COL7A1: variants seen among roughly 807,000 people sequenced by gnomAD.
COL7A1 encodes collagen type VII alpha 1 chain, also known as collagen alpha-1(VII) chain.
In COL7A1, 296 loss-of-function variants were observed where a neutral mutation model predicts 456.2. The observed-to-expected ratio is 0.65, with a 90% CI of 0.59 to 0.71. The LOEUF (loss-of-function observed/expected upper bound fraction) is 0.71. Ranked by LOEUF, COL7A1 falls within the 30% of genes least tolerant of loss-of-function variation. The pLI is 0.00. For synonymous variants in COL7A1, 1,464 were observed against 1,525.9 expected (o/e 0.96, Z 0.95); for missense variants, 3,441 against 4,017.2 (o/e 0.86, Z 3.88).
chr3:48,591,792 G>A lies in COL7A1; in HGVS notation c.1388C>T (p.Pro463Leu), dbSNP rs761348026. ...CAACTGGTAGCGGGTCACATCAGAG[G>A]GCAGTACCACCTTCTGCGGTGGCTC... is the stretch of plus-strand genomic sequence containing the variant. ...GLEPPQKVVL[P>L]SDVTRYQLDG... The change falls in exon 12 of 119, where the codon CCC (proline) becomes CTC (leucine). Residue 463 changes from proline to leucine, a missense_variant. Coordinates refer to ENST00000681320, the MANE Select transcript of COL7A1 (RefSeq NM_000094.4). The surrounding 1 kb of genome is among the most constrained non-coding windows in gnomAD (Gnocchi z 7.0). 2.5e-6 allele frequency: 4 copies of A among 1,614,162 alleles called. No homozygotes were observed. In the Admixed American group the frequency reaches 5.0e-5, roughly 20 times the overall value.
Position 48,589,655 on chromosome 3 carries a change from G to T in COL7A1, c.2114C>A (p.Thr705Asn). Reference sequence around the variant, plus strand: ...TGTGGCGCCAGGAACCCTGGTCCAGGTAATGGTGACAGATGAGCTGCTGGC... The same window carrying T: ...TGTGGCGCCAGGAACCCTGGTCCAGTTAATGGTGACAGATGAGCTGCTGGC... The part of the protein sequence containing the change: ...TQASSSSVTI[T>N]WTRVPGATGY... The change falls in exon 17 of 119, where the codon ACC becomes AAC. Residue 705 changes from threonine to asparagine, a missense_variant. Thr to Asn is a moderately conservative substitution (Grantham distance 65). Around this residue, in one of 3 missense-constraint regions of COL7A1, gnomAD observed 913 missense variants for 1,088.2 expected, o/e 0.84. Transcript: ENST00000681320. The T allele has an allele frequency of 1.2e-6, 2 of 1,614,060 alleles. No individual in the cohort carries two copies. The highest frequency in any genetic ancestry group is 1.7e-6 in the Non-Finnish European group (2 of 1,180,024).
rs2107766618 is a variant in COL7A1, at chr3:48,588,666, G to A, written c.2563C>T (p.Pro855Ser). The change falls in exon 20 of 119, where the codon CCT becomes TCT. Residue 855 changes from proline (P) to serine (S), a missense_variant. This residue lies in a region of COL7A1 where 444 missense variants were observed against 427.6 expected (regional missense o/e 1.04). Coordinates refer to ENST00000681320, the MANE Select transcript of COL7A1 (RefSeq NM_000094.4). This position sits in a 1 kb window ranked among gnomAD's most constrained non-coding sequence, Gnocchi z 4.6. ...CGCGTAGTGACAACAATGGAGACAG[G>A]TGTGCCCTCGCGGTCCCCGACAAGT... The part of the protein sequence containing the change: ...TALVGDREGT[P>S]VSIVVTTPPE... The A allele has an allele frequency of 1.2e-6, 2 of 1,613,864 alleles. No individual in the cohort carries two copies. The highest frequency in any genetic ancestry group is 1.6e-4 in the Middle Eastern group (1 of 6,062).
intron 71 of COL7A1, 148 bp downstream of exon 71, chr3:48,576,101 A>G: frequency 2.1e-6 from 3 of 1,406,604 alleles, no homozygotes; most frequent in Non-Finnish European, 3.0e-6. Context: ...AGTTCCCTTG[A>G]GTGTGGGCTA....
At position 48,579,190 on chromosome 3, in the gene COL7A1, G is replaced by C; in HGVS notation, c.5388+7C>G. On this transcript the variant is annotated splice_region_variant and intron_variant, in intron 62 of 118. Transcript: ENST00000681320. This position sits in a 1 kb window ranked among gnomAD's most constrained non-coding sequence, Gnocchi z 4.4. ...GGGGACAACCAGGCAGGACTACCAA[G>C]ACTCACATTCGGCCCAGAGGGCCCA... is the stretch of plus-strand genomic sequence containing the variant. 6.2e-7 allele frequency: 1 copy of C among 1,613,088 alleles called. No homozygotes were observed. The highest frequency in any genetic ancestry group is 8.5e-7 in the Non-Finnish European group (1 of 1,179,978).
In COL7A1 at chr3:48,577,021, G is replaced by A. The variant is rs1360476706; in HGVS notation, c.5539C>T (p.Pro1847Ser). The A allele has an allele frequency of 6.2e-7, 1 of 1,613,944 alleles. No homozygotes were observed. The highest frequency in any genetic ancestry group is 1.3e-5 in the African/African-American group (1 of 75,056). ...KPGLNGKNGE[P>S]GDPGEDGRKG... ...CTCCCGTCTTCTCCAGGGTCCCCAG[G>A]TTCTCCCTGTGGGCAGAGGACTCAC... The change falls in exon 66 of 119, where the codon CCT becomes TCT. Residue 1847 changes from proline (P) to serine (S), a missense_variant. Around this residue, in one of 3 missense-constraint regions of COL7A1, gnomAD observed 2,084 missense variants for 2,501.3 expected, o/e 0.83. Transcript: ENST00000681320.
rs751525439 is a variant in COL7A1 at position 48,570,626 on chromosome 3, C to T, written c.7344+13G>A. ...AAATCAAATACGTGGGGCTTTAGGG[C>T]ACCTCTACTCACCACTGACCCCGGT... On this transcript the variant is annotated intron_variant, in intron 96 of 118. Coordinates refer to ENST00000681320, the MANE Select transcript of COL7A1 (RefSeq NM_000094.4). The surrounding 1 kb of genome is among the most constrained non-coding windows in gnomAD (Gnocchi z 5.5). 6.2e-6 allele frequency: 10 copies of T among 1,607,010 alleles called. No homozygotes were observed. The highest frequency in any genetic ancestry group is 4.5e-5 in the East Asian group (2 of 44,536).
rs368816697 is a variant in COL7A1 at position 48,569,568 on chromosome 3, C to G, written c.7614+24G>C. 2 of 1,613,526 alleles carry G rather than the reference C, an allele frequency of 1.2e-6. No individual in the cohort carries two copies. The highest frequency in any genetic ancestry group is 1.7e-6 in the Non-Finnish European group (2 of 1,179,804). On this transcript the variant is annotated intron_variant, in intron 102 of 118. Coordinates refer to ENST00000681320, the MANE Select transcript of COL7A1 (RefSeq NM_000094.4). This position sits in a 1 kb window ranked among gnomAD's most constrained non-coding sequence, Gnocchi z 4.9. ...GTCCCTCTCGCACCCAGGGGAGACC[C>G]AGTCCACACGTGGGCCCACTCACCA...
chr3:48,565,622 A>G lies in COL7A1; in HGVS notation c.8440+14T>C, dbSNP rs755912924. 1 of 1,614,110 alleles carries G rather than the reference A, an allele frequency of 6.2e-7. No homozygotes were observed. The highest frequency in any genetic ancestry group is 1.1e-5 in the South Asian group (1 of 91,068). ...CTGGGGTGAAGAAAGTTCTGGGAGT[A>G]GAAAACTACTCACGTGATCCAGATG... is the stretch of plus-strand genomic sequence containing the variant. On this transcript the variant is annotated intron_variant, in intron 115 of 118. Coordinates refer to ENST00000681320, the MANE Select transcript of COL7A1 (RefSeq NM_000094.4). This position sits in a 1 kb window ranked among gnomAD's most constrained non-coding sequence, Gnocchi z 4.5.
Position 48,594,714 on chromosome 3 carries a change from G to A in COL7A1, c.86-166C>T, listed in dbSNP as rs1257333654. On this transcript the variant is annotated intron_variant, in intron 2 of 118. Coordinates refer to ENST00000681320, the MANE Select transcript of COL7A1 (RefSeq NM_000094.4). The surrounding 1 kb of genome is among the most constrained non-coding windows in gnomAD (Gnocchi z 5.5). ...GAGGGCCTTGGAGGGAGTTGAGCTCGGTGGGTCCCAGAGCAGACTCCCGCG... is the reference window on the plus strand; with the variant it reads ...GAGGGCCTTGGAGGGAGTTGAGCTCAGTGGGTCCCAGAGCAGACTCCCGCG... Among the ~76,000 whole-genome samples the A allele has an allele frequency of 6.6e-6, 1 of 152,178 alleles. No individual in the cohort carries two copies. The highest frequency in any genetic ancestry group is 1.5e-5 in the Non-Finnish European group (1 of 68,028).
chr3:48,566,240 G>A lies in COL7A1; in HGVS notation c.8407+27C>T. On this transcript the variant is annotated intron_variant, in intron 114 of 118. Coordinates refer to ENST00000681320, the MANE Select transcript of COL7A1 (RefSeq NM_000094.4). The surrounding 1 kb of genome is among the most constrained non-coding windows in gnomAD (Gnocchi z 5.9). The stretch of plus-strand genomic sequence containing the variant: ...TTGCCTAGGGTGCTGGGGTGGAGTG[G>A]GAGACTGCGGGCTGGGCACCACTCA... The A allele has an allele frequency of 6.3e-7, 1 of 1,589,092 alleles. No homozygotes were observed. Among genetic ancestry groups the A allele is most frequent in the Non-Finnish European group, 8.6e-7 (1 of 1,168,920 alleles).
rs1290336722 is a variant in COL7A1, at chr3:48,570,745, G to C, written c.7273-35C>G. On this transcript the variant is annotated intron_variant, in intron 95 of 118. Transcript: ENST00000681320. The surrounding 1 kb of genome is among the most constrained non-coding windows in gnomAD (Gnocchi z 5.5). ...AAATGGGGCAAGAGAGGCAGAGAGT[G>C]ACTTGGGAACCCTCCTACCCTCTGC... 1 of 1,559,920 alleles carries C rather than the reference G, an allele frequency of 6.4e-7. No homozygotes were observed. The highest frequency in any genetic ancestry group is 1.4e-5 in the African/African-American group (1 of 73,548).
At position 48,585,489 on chromosome 3, in the gene COL7A1, C is replaced by G. The variant is rs904911977; in HGVS notation, c.3894+68G>C. 5 of 1,541,186 alleles carry G rather than the reference C, an allele frequency of 3.2e-6. No individual in the cohort carries two copies. The highest frequency in any genetic ancestry group is 3.6e-6 in the Non-Finnish European group (4 of 1,115,970). On this transcript the variant is annotated intron_variant, in intron 32 of 118. Coordinates refer to ENST00000681320, the MANE Select transcript of COL7A1 (RefSeq NM_000094.4). The surrounding 1 kb of genome is among the most constrained non-coding windows in gnomAD (Gnocchi z 4.5). ...GATTCTAACTCTGCTTCTTCCTTCT[C>G]TCTTGTAAAAACCCCGAGACAGCTT...
chr3:48,589,316 G>T lies in COL7A1; in HGVS notation c.2314+11C>A, dbSNP rs1402051384. ...TGCGGTGTGGCTAGTAGCTGGCCAG[G>T]GTCCACTCACCAGTCCTCACAACCA... On this transcript the variant is annotated intron_variant, in intron 18 of 118. Transcript: ENST00000681320. 2 of 1,611,850 alleles carry T rather than the reference G, an allele frequency of 1.2e-6. No homozygotes were observed. Among genetic ancestry groups the T allele is most frequent in the East Asian group, 2.2e-5 (1 of 44,888 alleles).
rs746192846 is a variant in COL7A1 at position 48,569,332 on chromosome 3, G to A, written c.7686+43C>T. The A allele has an allele frequency of 1.2e-6, 2 of 1,608,628 alleles. No individual in the cohort carries two copies. The highest frequency in any genetic ancestry group is 1.7e-5 in the Admixed American group (1 of 59,990). On this transcript the variant is annotated intron_variant, in intron 103 of 118. Coordinates refer to ENST00000681320, the MANE Select transcript of COL7A1 (RefSeq NM_000094.4). This position sits in a 1 kb window ranked among gnomAD's most constrained non-coding sequence, Gnocchi z 4.9. Reference sequence around the variant, plus strand: ...TCACAGATGCTGTGGAACCACCACAGCCACAGGACCCCACAGAGAGTACAC... The same window carrying A: ...TCACAGATGCTGTGGAACCACCACAACCACAGGACCCCACAGAGAGTACAC...
In COL7A1 at chr3:48,574,294, C is replaced by G. The variant is rs1485835618; in HGVS notation, c.6469G>C (p.Glu2157Gln). The change falls in exon 80 of 119, where the codon GAG becomes CAG. Residue 2157 changes from glutamate to glutamine, a missense_variant. Transcript: ENST00000681320. This position sits in a 1 kb window ranked among gnomAD's most constrained non-coding sequence, Gnocchi z 5.0. ...GQDGNPGLPG[E>Q]RGMAGPEGKP... Reference sequence around the variant, plus strand: ...CCTTCAGGCCCAGCCATACCACGCTCTCCTGGTAGACCCTGCAGAGAATAG... The same window carrying G: ...CCTTCAGGCCCAGCCATACCACGCTGTCCTGGTAGACCCTGCAGAGAATAG... 7 of 1,614,054 alleles carry G rather than the reference C, an allele frequency of 4.3e-6. No individual in the cohort carries two copies. Among genetic ancestry groups the G allele is most frequent in the Admixed American group, 1.7e-5 (1 of 60,010 alleles).
Position 48,570,331 on chromosome 3 carries a change from C to A in COL7A1, c.7384G>T (p.Asp2462Tyr). 6.2e-7 allele frequency: 1 copy of A among 1,614,080 alleles called. No homozygotes were observed. The highest frequency in any genetic ancestry group is 1.1e-5 in the South Asian group (1 of 91,070). The change falls in exon 98 of 119, where the codon GAC becomes TAC. Residue 2462 changes from aspartate (D) to tyrosine (Y), a missense_variant. Asp to Tyr is a radical substitution (Grantham distance 160). Coordinates refer to ENST00000681320, the MANE Select transcript of COL7A1 (RefSeq NM_000094.4). The surrounding 1 kb of genome is among the most constrained non-coding windows in gnomAD (Gnocchi z 5.5). ...GASGLKGDKG[D>Y]PGVGLPGPRG... is the part of the protein sequence containing the mutation. ...GGCCCAGGCAGCCCTACTCCAGGGT[C>A]TCCCTGGAGACCAACAGGACACCGG...
At position 48,578,313 on chromosome 3, in the gene COL7A1, ACACT is replaced by A. The variant is rs1417000301; in HGVS notation, c.5532+4_5532+7del. ...AGGTTTCGCCGCAGCTGCCCTGGAC[ACACT>A]CACGTTTTTTCCATTCAGGCCAGGT... On this transcript the variant is annotated splice_donor_5th_base_variant and intron_variant, in intron 65 of 118. Transcript: ENST00000681320. The surrounding 1 kb of genome is among the most constrained non-coding windows in gnomAD (Gnocchi z 4.7). 4 of 1,612,324 alleles carry A rather than the reference ACACT, an allele frequency of 2.5e-6. No individual in the cohort carries two copies. The highest frequency in any genetic ancestry group is 3.4e-6 in the Non-Finnish European group (4 of 1,179,962).
In COL7A1 at chr3:48,569,052, T is replaced by C. The variant is rs2043756271; in HGVS notation, c.7687-197A>G. 6.6e-6 allele frequency among the ~76,000 whole-genome samples: 1 copy of C among 152,030 alleles called. No individual in the cohort carries two copies. The highest frequency in any genetic ancestry group is 6.5e-5 in the Admixed American group (1 of 15,278). ...CTGGCTCATTTCTCACCCCAAGGACTCCAGACCCTTGCCCCGCCCTCTTAT... is the reference window on the plus strand; with the variant it reads ...CTGGCTCATTTCTCACCCCAAGGACCCCAGACCCTTGCCCCGCCCTCTTAT... On this transcript the variant is annotated intron_variant, in intron 103 of 118. Coordinates refer to ENST00000681320, the MANE Select transcript of COL7A1 (RefSeq NM_000094.4). The surrounding 1 kb of genome is among the most constrained non-coding windows in gnomAD (Gnocchi z 4.9).
At position 48,593,464 on chromosome 3, in the gene COL7A1, G is replaced by A. The variant is rs201327901; in HGVS notation, c.427-15C>T. 6 of 1,613,942 alleles carry A rather than the reference G, an allele frequency of 3.7e-6. No homozygotes were observed. In the Admixed American group the frequency reaches 1.0e-4, roughly 27 times the overall value. ...AGGATGCAGACCTGGGACAGGTGCA[G>A]GGGTCAAATCACGGTTCCCCTGGAC... On this transcript the variant is annotated splice_polypyrimidine_tract_variant and intron_variant, in intron 4 of 118. Transcript: ENST00000681320. The surrounding 1 kb of genome is among the most constrained non-coding windows in gnomAD (Gnocchi z 4.4).
Sources: allele counts gnomAD v4.1 joint callset (sites outside exome capture counted in the v4.1 genomes callset), GRCh38; gene constraint gnomAD v4.1.1; regional missense constraint gnomAD v4.1.1; non-coding constraint Gnocchi (gnomAD v3.1); transcripts MANE v1.5; gene names NCBI Gene and HGNC (gene_info 2026-07-23, HGNC 2026-07-21).